The following RANBP10 variants were observed in gnomAD, a reference collection of about 807,000 sequenced individuals.
The protein encoded by RANBP10 is RAN binding protein 10, also known as ran-binding protein 10.
RANBP10 carries 24 observed loss-of-function variants against 72.8 expected under a neutral mutation model. The observed-to-expected ratio is 0.33, with a 90% CI of 0.24 to 0.46. The LOEUF (loss-of-function observed/expected upper bound fraction) is 0.46. RANBP10 is among the 20% of genes least tolerant of loss of function. The probability of loss-of-function intolerance (pLI) is 1.00; values close to 1 mark genes in which losing one functional copy is unlikely to be tolerated. For synonymous variants in RANBP10, 310 were observed against 322.3 expected (o/e 0.96, Z 0.41); for missense variants, 679 against 817.5 (o/e 0.83, Z 2.07).
intron 2 of RANBP10, among the ~76,000 whole-genome samples, chr16:67,780,016 G>A (rs564888841): frequency 2.0e-5 from 3 of 152,166 alleles, no homozygotes; most frequent in South Asian, 4.1e-4. Flanking sequence ...GGTGGATCAC[G>A]AGGTCAAGAG....
At chr16:67,746,536 A>G (rs2054083458) in intron 3 of RANBP10, among the ~76,000 whole-genome samples, 1 of 152,178 alleles carries the variant, frequency 6.6e-6, no homozygotes, top group South Asian at 2.1e-4. Flanking sequence ...CTATAGTCCC[A>G]GCTACTTAGG....
chr16:67,806,516 G>C lies in RANBP10; in HGVS notation c.21C>G (p.Asp7Glu). Residue 7 changes from aspartate (D) to glutamate (E), a missense_variant, in exon 1 of 14, where the codon GAC becomes GAG. Physicochemically the swap from Asp to Glu is conservative, Grantham distance 45 (BLOSUM62 2). Transcript: ENST00000317506. MAAATA[D>E]PGAGNPQPGD... ...CAGGCTGCGGGTTCCCAGCTCCCGG[G>C]TCTGCCGTCGCTGCCGCCATCTTGG... 1 of 1,515,964 alleles carries C rather than the reference G, an allele frequency of 6.6e-7. No individual in the cohort carries two copies. Among genetic ancestry groups the C allele is most frequent in the Non-Finnish European group, 8.8e-7 (1 of 1,139,680 alleles). The allele number at this position is 1,515,964 out of a possible 1,614,324, so 93.9% of individuals were successfully genotyped here.
Position 67,727,414 on chromosome 16 carries a change from A to G in RANBP10, c.1645T>C (p.Ser549Pro), listed in dbSNP as rs1413714454. 5.6e-6 allele frequency: 9 copies of G among 1,613,762 alleles called. No individual in the cohort carries two copies. Among genetic ancestry groups the G allele is most frequent in the Non-Finnish European group, 5.1e-6 (6 of 1,179,900 alleles). ...CCAACTGGGCAGCTCCAGGGGTCTG[A>G]GTATGCCAGCAGGCTGAAGGCATCC... is the stretch of plus-strand genomic sequence containing the variant. ...LQDAFSLLAY[S>P]DPWSCPVGQQ... The change falls in exon 13 of 14, where the codon TCA (serine) becomes CCA (proline). Residue 549 changes from serine (S) to proline (P), a missense_variant. Transcript: ENST00000317506.
intron 13 of RANBP10, among the ~76,000 whole-genome samples, chr16:67,726,761 G>A (rs781676208): frequency 1.3e-5 from 2 of 152,238 alleles, no homozygotes; most frequent in Non-Finnish European, 2.9e-5. Flanking sequence ...CCCATGTAGA[G>A]CGCTGGGCTG....
At chr16:67,763,231 T>C (rs6499141) in intron 3 of RANBP10, 21,857 of 152,834 alleles carry the variant, frequency 0.14, 3,193 homozygotes, top group African/African-American at 0.38. Context: ...TCATGGAAAC[T>C]GCCAGTGGAG....
chr16:67,806,182 G>T, intron 1 of RANBP10, 120 bp downstream of exon 1: 1 of 994,764 alleles, frequency 1.0e-6, no homozygotes, highest in Non-Finnish European at 1.5e-6. Context: ...TCCTGAAAGG[G>T]CCAAGCCCTA....
chr16:67,726,810 C>G (rs1332386455), intron 13 of RANBP10, among the ~76,000 whole-genome samples: 1 of 152,228 alleles, frequency 6.6e-6, no homozygotes, highest in Non-Finnish European at 1.5e-5. Flanking sequence ...CCATCATGAA[C>G]TCAGCTGGGC....
chr16:67,803,313 A>G (rs1193275058), intron 2 of RANBP10, among the ~76,000 whole-genome samples: 1 of 152,094 alleles, frequency 6.6e-6, no homozygotes, highest in African/African-American at 2.4e-5. Flanking sequence ...GGATCACTAG[A>G]GACCAGCCTG....
At chr16:67,727,087 G>C (rs2053616232) in intron 13 of RANBP10, among the ~76,000 whole-genome samples, 1 of 152,224 alleles carries the variant, frequency 6.6e-6, no homozygotes, top group Non-Finnish European at 1.5e-5. Context: ...CTGAGGCCAG[G>C]AGTTCGAGAC....
chr16:67,786,330 A>AAAAAAT (rs1053591704), intron 2 of RANBP10, among the ~76,000 whole-genome samples: 16 of 152,274 alleles, frequency 1.1e-4, no homozygotes, highest in African/African-American at 3.8e-4. Context: ...ATCCATCTGA[A>AAAAAAT]AAAAATAAAA....
At chr16:67,765,084 C>T (rs2054471700) in intron 3 of RANBP10, among the ~76,000 whole-genome samples, 1 of 151,438 alleles carries the variant, frequency 6.6e-6, no homozygotes, top group Admixed American at 6.6e-5. Context: ...TGCCTGTAAA[C>T]CCAGCACTTT....
At chr16:67,769,527 C>T (rs1032924251) in intron 3 of RANBP10, among the ~76,000 whole-genome samples, 5 of 148,512 alleles carry the variant, frequency 3.4e-5, no homozygotes, top group Non-Finnish European at 5.9e-5. Context: ...AGGCGGACCA[C>T]GAGGTTAAGA....
chr16:67,743,293 G>A (rs2054004249), intron 4 of RANBP10, among the ~76,000 whole-genome samples: 1 of 152,214 alleles, frequency 6.6e-6, no homozygotes, highest in East Asian at 1.9e-4. Context: ...GCTGCTGGCA[G>A]CTGGGCTGGT....
At chr16:67,764,760 C>T (rs2054464850) in intron 3 of RANBP10, among the ~76,000 whole-genome samples, 1 of 152,144 alleles carries the variant, frequency 6.6e-6, no homozygotes, top group Non-Finnish European at 1.5e-5. Context: ...ACTAAATTTT[C>T]AGTAAGATTG....
At chr16:67,797,538 G>A (rs1276237637) in intron 2 of RANBP10, among the ~76,000 whole-genome samples, 1 of 152,186 alleles carries the variant, frequency 6.6e-6, no homozygotes, top group African/African-American at 2.4e-5. Context: ...GGCTGGGGAT[G>A]GTGGCTCACA....
intron 2 of RANBP10, among the ~76,000 whole-genome samples, chr16:67,773,870 G>A (rs1340334684): frequency 6.6e-6 from 1 of 152,224 alleles, no homozygotes; most frequent in African/African-American, 2.4e-5. Context: ...GGACAGGACT[G>A]CTCAGTCATT....
At chr16:67,779,743 C>T (rs77896575) in intron 2 of RANBP10, among the ~76,000 whole-genome samples, 217 of 152,260 alleles carry the variant, frequency 1.4e-3, no homozygotes, top group Non-Finnish European at 2.7e-3. Flanking sequence ...GCCCTGTACC[C>T]AGTATGATGC....
intron 1 of RANBP10, 103 bp downstream of exon 1, chr16:67,806,199 A>G: frequency 1.7e-6 from 2 of 1,146,366 alleles, no homozygotes; most frequent in South Asian, 1.6e-5. Flanking sequence ...CCTAACTTGG[A>G]GCACCTAGGC....
In RANBP10 at chr16:67,728,511, G is replaced by A. The variant is rs142945039; in HGVS notation, c.1353C>T (p.Ser451=). The change falls in exon 11 of 14, where the codon AGC becomes AGT. Residue 451 remains serine (S), a splice_region_variant and synonymous_variant. Transcript: ENST00000317506. The stretch of plus-strand genomic sequence containing the variant: ...CTGCCTCCATCTCCATCTCACTGTC[G>A]CTGTGGGGAGGGGTTGAGGTGGGAG... The part of the protein sequence containing the change: ...HHSSTSNQET[S]DSEMEMEAEH... 253 of 1,613,986 alleles carry A rather than the reference G, an allele frequency of 1.6e-4. No homozygotes were observed. Among genetic ancestry groups the A allele is most frequent in the Non-Finnish European group, 2.1e-4 (248 of 1,180,044 alleles).
Sources: allele counts gnomAD v4.1 joint callset (sites outside exome capture counted in the v4.1 genomes callset), GRCh38; gene constraint gnomAD v4.1.1; transcripts MANE v1.5; gene names NCBI Gene and HGNC (gene_info 2026-07-23, HGNC 2026-07-21).